The following ERGIC1 variants were observed in gnomAD, a reference collection of about 807,000 sequenced individuals.
ERGIC1 encodes the protein endoplasmic reticulum-golgi intermediate compartment 1, also known as endoplasmic reticulum-Golgi intermediate compartment protein 1.
In ERGIC1, 19 loss-of-function variants were observed where a neutral mutation model predicts 38.3. That is an observed-to-expected ratio of 0.50 (90% CI 0.35 to 0.73). The LOEUF is 0.73. Among genes scored for constraint, ERGIC1 ranks in the 30% least tolerant of loss-of-function variants. The probability of loss-of-function intolerance (pLI) is 0.01; values close to 1 mark genes in which losing one functional copy is unlikely to be tolerated. For missense variants in ERGIC1, 294 were observed against 389.2 expected (o/e 0.76, Z 2.06); for synonymous variants, 124 against 157.6 (o/e 0.79, Z 1.60).
At chr5:172,914,897 TC>T in intron 5 of ERGIC1, 59 bp downstream of exon 5, 1 of 1,610,498 alleles carries the variant, frequency 6.2e-7, no homozygotes, top group Middle Eastern at 1.7e-4. Flanking sequence ...GTCTCCCCGC[TC>T]CCTGGAAACT....
At chr5:172,887,044 A>G (rs1561718105) in intron 1 of ERGIC1, among the ~76,000 whole-genome samples, 1 of 152,224 alleles carries the variant, frequency 6.6e-6, no homozygotes, top group Admixed American at 6.5e-5. Flanking sequence ...TGAACTTGGC[A>G]GCCCGCAGGA....
At chr5:172,906,373 C>G (rs1348648606) in intron 3 of ERGIC1, among the ~76,000 whole-genome samples, 2 of 152,294 alleles carry the variant, frequency 1.3e-5, no homozygotes, top group South Asian at 4.1e-4. Flanking sequence ...GAGCCTGTTC[C>G]CTGGTTTTAA....
rs537282922 is a variant in ERGIC1, at chr5:172,865,964, A to G, written c.21-22735A>G. ...CTGTCTGCACTTTCCATTTTGACCC[A>G]TCTCCATCCCATCCCAGGAGAAATA... On this transcript the variant is annotated intron_variant, in intron 1 of 9. Transcript: ENST00000393784. Among the ~76,000 whole-genome samples the G allele has an allele frequency of 2.0e-5, 3 of 152,212 alleles. No homozygotes were observed. In the South Asian group the frequency reaches 6.2e-4, roughly 32 times the overall value.
intron 9 of ERGIC1, among the ~76,000 whole-genome samples, chr5:172,940,159 C>T (rs539560518): frequency 6.6e-6 from 1 of 152,194 alleles, no homozygotes; most frequent in Admixed American, 6.5e-5. Context: ...CTCCCAGATG[C>T]ATTGCCAAGT....
At position 172,834,496 on chromosome 5, in the gene ERGIC1, C is replaced by A; in HGVS notation, c.20+63C>A. 1.6e-6 allele frequency: 2 copies of A among 1,262,212 alleles called. No homozygotes were observed. The highest frequency in any genetic ancestry group is 1.0e-6 in the Non-Finnish European group (1 of 1,000,466). The allele number at this position is 1,262,212 out of a possible 1,614,324, so 78.2% of individuals were successfully genotyped here. On this transcript the variant is annotated intron_variant, in intron 1 of 9. Coordinates refer to ENST00000393784, the MANE Select transcript of ERGIC1 (RefSeq NM_001031711.3). This position sits in a 1 kb window ranked among gnomAD's most constrained non-coding sequence, Gnocchi z 4.1. The stretch of plus-strand genomic sequence containing the variant: ...AGCGGGCAGAGGGAGCGCCCCGGCA[C>A]GCCGCGGACCCCTCCCGCCCTGCAT...
Position 172,846,019 on chromosome 5 carries a change from T to G in ERGIC1, c.20+11586T>G, listed in dbSNP as rs1399100948. On this transcript the variant is annotated intron_variant, in intron 1 of 9. Transcript: ENST00000393784. This position sits in a 1 kb window ranked among gnomAD's most constrained non-coding sequence, Gnocchi z 4.0. ...CTGTAGAATGTCCCCAGCCTGGGTT[T>G]GTCTGATGTTTCTTCCTAAGTGGAC... Among the ~76,000 whole-genome samples the G allele has an allele frequency of 6.6e-6, 1 of 152,174 alleles. No individual in the cohort carries two copies.
intron 1 of ERGIC1, among the ~76,000 whole-genome samples, chr5:172,869,699 A>G (rs1431673077): frequency 6.6e-6 from 1 of 152,214 alleles, no homozygotes; most frequent in Non-Finnish European, 1.5e-5. Context: ...TCTCTCCAAG[A>G]TAAGTTTTTG....
At chr5:172,856,491 C>T (rs1761552263) in intron 1 of ERGIC1, among the ~76,000 whole-genome samples, 1 of 152,130 alleles carries the variant, frequency 6.6e-6, no homozygotes, top group Non-Finnish European at 1.5e-5. Context: ...GGATTCTAGC[C>T]AAGGGCTCTG....
intron 2 of ERGIC1, among the ~76,000 whole-genome samples, chr5:172,896,135 G>A (rs1472475963): frequency 6.6e-6 from 1 of 152,086 alleles, no homozygotes; most frequent in African/African-American, 2.4e-5. Context: ...TTGAGATCAG[G>A]AGTTCAAGAC....
At chr5:172,879,909 A>G (rs555617470) in intron 1 of ERGIC1, among the ~76,000 whole-genome samples, 1 of 152,212 alleles carries the variant, frequency 6.6e-6, no homozygotes, top group South Asian at 2.1e-4. Context: ...TGTCAGTAGC[A>G]CCCCACACCC....
chr5:172,898,764 C>A (rs1190570375), intron 3 of ERGIC1, among the ~76,000 whole-genome samples: 1 of 152,084 alleles, frequency 6.6e-6, no homozygotes, highest in African/African-American at 2.4e-5. Context: ...GTCTGCTTCC[C>A]AAGACATGAC....
chr5:172,923,053 G>C (rs1306654109), intron 5 of ERGIC1, among the ~76,000 whole-genome samples: 1 of 151,948 alleles, frequency 6.6e-6, no homozygotes, highest in Non-Finnish European at 1.5e-5. Context: ...ATCATACCAA[G>C]GGTTCTAGTC....
At position 172,914,818 on chromosome 5, in the gene ERGIC1, G is replaced by A; in HGVS notation, c.355G>A (p.Gly119Arg). 6.2e-7 allele frequency: 1 copy of A among 1,614,164 alleles called. No homozygotes were observed. The highest frequency in any genetic ancestry group is 8.5e-7 in the Non-Finnish European group (1 of 1,180,040). ...CAATGGGGCAGGCTGCCGCTTCGAG[G>A]GGCAGTTCAGCATCAACAAGGTATG... ...LNNGAGCRFE[G>R]QFSINKVPGN... The change falls in exon 5 of 10, where the codon GGG becomes AGG. Residue 119 changes from glycine (G) to arginine (R), a missense_variant. Coordinates refer to ENST00000393784, the MANE Select transcript of ERGIC1 (RefSeq NM_001031711.3).
At chr5:172,847,496 G>A (rs1249450034) in intron 1 of ERGIC1, among the ~76,000 whole-genome samples, 1 of 152,044 alleles carries the variant, frequency 6.6e-6, no homozygotes, top group Non-Finnish European at 1.5e-5. Context: ...TAAACAGCAT[G>A]TGATATATAT....
chr5:172,837,557 G>C lies in ERGIC1; in HGVS notation c.20+3124G>C, dbSNP rs1761066079. Among the ~76,000 whole-genome samples, 1 of 152,194 alleles carries C rather than the reference G, an allele frequency of 6.6e-6. No homozygotes were observed. The highest frequency in any genetic ancestry group is 6.5e-5 in the Admixed American group (1 of 15,278). On this transcript the variant is annotated intron_variant, in intron 1 of 9. Coordinates refer to ENST00000393784, the MANE Select transcript of ERGIC1 (RefSeq NM_001031711.3). This position sits in a 1 kb window ranked among gnomAD's most constrained non-coding sequence, Gnocchi z 4.3. ...GTGCTTGAGCCAAACTCGATCCTTG[G>C]AGATGCCTCTTGAAATCTGTCAAGG...
intron 3 of ERGIC1, among the ~76,000 whole-genome samples, chr5:172,903,758 T>A (rs1032327589): frequency 2.6e-5 from 4 of 152,230 alleles, no homozygotes; most frequent in African/African-American, 9.6e-5. Flanking sequence ...CCATTTTACA[T>A]CTGGGGAAAC....
chr5:172,841,093 T>A (rs1287770407), intron 1 of ERGIC1, among the ~76,000 whole-genome samples: 1 of 152,204 alleles, frequency 6.6e-6, no homozygotes, highest in African/African-American at 2.4e-5. Flanking sequence ...CAGCCCTAAT[T>A]GATCCTTTAA....
rs113343955 is a variant in ERGIC1 at position 172,939,206 on chromosome 5, G to T, written c.765+3896G>T. Among the ~76,000 whole-genome samples the T allele has an allele frequency of 5.0e-3, 767 of 152,348 alleles. 4 individuals are homozygous for T. Among genetic ancestry groups the T allele is most frequent in the African/African-American group, 0.018 (735 of 41,570 alleles). ...GTCAGCTGAATCATACGCAGTCCCT[G>T]CCTTGAAGGAGCCCCCTGCTGGAGG... On this transcript the variant is annotated intron_variant, in intron 9 of 9. Coordinates refer to ENST00000393784, the MANE Select transcript of ERGIC1 (RefSeq NM_001031711.3).
intron 1 of ERGIC1, among the ~76,000 whole-genome samples, chr5:172,855,913 T>C (rs1761537315): frequency 1.3e-5 from 2 of 152,244 alleles, no homozygotes; most frequent in South Asian, 4.1e-4. Context: ...TGTCAGCTCC[T>C]GTGGCGTCCA....
Sources: gnomAD v4.1 joint callset for allele counts (sites outside exome capture counted in the v4.1 genomes callset) on GRCh38, gnomAD v4.1.1 for gene constraint, Gnocchi (gnomAD v3.1) non-coding constraint, MANE v1.5 for transcripts, NCBI Gene and HGNC (gene_info 2026-07-23, HGNC 2026-07-21) for gene names.